The following ENPP1 variants were observed in gnomAD, a reference collection of about 807,000 sequenced individuals.
ENPP1 encodes ectonucleotide pyrophosphatase/phosphodiesterase 1, also known as ectonucleotide pyrophosphatase/phosphodiesterase family member 1.
A neutral mutation model predicts 122.8 loss-of-function variants in ENPP1; 73 were observed. That is an observed-to-expected ratio of 0.59 (90% CI 0.49 to 0.72). ENPP1 has a LOEUF of 0.72. ENPP1 is among the 30% of genes least tolerant of loss of function. ENPP1 has a pLI of 0.00. For synonymous variants in ENPP1, 367 were observed against 391.6 expected (o/e 0.94, Z 0.74); for missense variants, 978 against 1,128.1 (o/e 0.87, Z 1.91).
intron 1 of ENPP1, among the ~76,000 whole-genome samples, chr6:131,809,739 C>T (rs76623798): frequency 0.015 from 2,283 of 152,280 alleles, 69 homozygotes; most frequent in African/African-American, 0.052. Flanking sequence ...TGCCTATAAA[C>T]CTTTACAGGT....
At chr6:131,868,222 C>A in intron 12 of ENPP1, 96 bp downstream of exon 12, 2 of 888,700 alleles carry the variant, frequency 2.3e-6, no homozygotes, top group Non-Finnish European at 3.7e-6. Context: ...GTAGTTAATT[C>A]TTTTTTAAAA....
In ENPP1 at chr6:131,890,589, G is replaced by A; in HGVS notation, c.*78G>A. 1.6e-6 allele frequency: 2 copies of A among 1,267,076 alleles called. No homozygotes were observed. The highest frequency in any genetic ancestry group is 1.2e-5 in the South Asian group (1 of 83,516). 78.5% of individuals were successfully genotyped at this position (1,267,076 alleles called of 1,614,324 possible). ...TATATAGTCCTCTAGCTACACTATT[G>A]CATTGTTCAGAAACTGTCGACCAGA... On this transcript the variant is annotated 3_prime_UTR_variant, in exon 25 of 25. Transcript: ENST00000647893.
In ENPP1 at chr6:131,850,038, G is replaced by A. The variant is rs769645819; in HGVS notation, c.362G>A (p.Arg121His). 7 of 1,613,902 alleles carry A rather than the reference G, an allele frequency of 4.3e-6. No individual in the cohort carries two copies. Among genetic ancestry groups the A allele is most frequent in the Middle Eastern group, 1.6e-4 (1 of 6,084 alleles). Residue 121 changes from arginine to histidine, a missense_variant, in exon 3 of 25, where the codon CGC (arginine) becomes CAC (histidine). Arg to His is a conservative substitution (Grantham distance 29, BLOSUM62 0). Around this residue, in one of 3 missense-constraint regions of ENPP1, gnomAD observed 330 missense variants for 328.5 expected, o/e 1.00. Coordinates refer to ENST00000647893, the MANE Select transcript of ENPP1 (RefSeq NM_006208.3). Reference protein sequence around the residue: ...RCFERTFGNCRCDAACVELGN... With the variant: ...RCFERTFGNCHCDAACVELGN... ...TTCGAGAGAACATTTGGGAACTGTCGCTGTGATGCTGCCTGTGTTGAGCTT... is the reference window on the plus strand; with the variant it reads ...TTCGAGAGAACATTTGGGAACTGTCACTGTGATGCTGCCTGTGTTGAGCTT...
rs148462924 is a variant in ENPP1, at chr6:131,872,076, A to C, written c.1412A>C (p.Tyr471Ser). ...DVPDKYYSFN[Y>S]EGIARNLSCR... is the part of the protein sequence containing the mutation. ...TATGTTTGTTCCCCTCCAGTTAACT[A>C]TGAAGGCATTGCCCGAAATCTTTCT... The change falls in exon 14 of 25, where the codon TAT becomes TCT. Residue 471 changes from tyrosine (Y) to serine (S), a missense_variant. Tyr to Ser is a moderately radical substitution (Grantham distance 144). Coordinates refer to ENST00000647893, the MANE Select transcript of ENPP1 (RefSeq NM_006208.3). 1 of 1,589,804 alleles carries C rather than the reference A, an allele frequency of 6.3e-7. No homozygotes were observed. The highest frequency in any genetic ancestry group is 2.2e-5 in the East Asian group (1 of 44,654).
At chr6:131,864,375 C>T in intron 9 of ENPP1, 131 bp from the exon 10 acceptor site, 1 of 661,752 alleles carries the variant, frequency 1.5e-6, no homozygotes, top group Non-Finnish European at 2.7e-6. Flanking sequence ...CAAATAAAAC[C>T]CTTGATTTCA....
intron 1 of ENPP1, among the ~76,000 whole-genome samples, chr6:131,829,933 G>C (rs1349396884): frequency 6.6e-6 from 1 of 152,078 alleles, no homozygotes; most frequent in African/African-American, 2.4e-5. Flanking sequence ...GGCCTCTCCT[G>C]GTCTGATGCT....
intron 1 of ENPP1, among the ~76,000 whole-genome samples, chr6:131,813,766 T>G (rs1373958986): frequency 6.6e-6 from 1 of 152,210 alleles, no homozygotes; most frequent in Non-Finnish European, 1.5e-5. Context: ...TTGACCTCTC[T>G]TCCTATTTTG....
intron 1 of ENPP1, among the ~76,000 whole-genome samples, chr6:131,822,910 GCTT>G (rs569785117): frequency 4.3e-4 from 66 of 152,096 alleles, no homozygotes; most frequent in African/African-American, 1.5e-3. Flanking sequence ...TAAAATAATA[GCTT>G]CTCTGCATTA....
chr6:131,827,968 T>C, intron 1 of ENPP1: 1 of 802,318 alleles, frequency 1.2e-6, no homozygotes. Context: ...CACAAAATGC[T>C]CAAGCTTGGA....
chr6:131,877,455 G>C, intron 18 of ENPP1: 2 of 425,794 alleles, frequency 4.7e-6, no homozygotes, highest in Non-Finnish European at 8.7e-6. Flanking sequence ...GTCTAGTTCA[G>C]TTCTTGAGCA....
rs1782320503 is a variant in ENPP1 at position 131,882,271 on chromosome 6, C to T, written c.2101-74C>T. The T allele has an allele frequency of 2.3e-6, 3 of 1,287,752 alleles. No individual in the cohort carries two copies. In the South Asian group the frequency reaches 3.6e-5, roughly 15 times the overall value. The allele number at this position is 1,287,752 out of a possible 1,614,324, so 79.8% of individuals were successfully genotyped here. A position where few individuals can be genotyped will look rare whatever the true frequency, so the allele number is the denominator to read the frequency against. ...CTTCATAATTTTATGATGTAGTTCA[C>T]CTTTAAATATTAATAAAGCAATTTT... On this transcript the variant is annotated intron_variant, in intron 20 of 24. Transcript: ENST00000647893.
intron 1 of ENPP1, 21 bp downstream of exon 1, chr6:131,808,296 C>G (rs1036905075): frequency 3.4e-6 from 5 of 1,484,822 alleles, no homozygotes; most frequent in Admixed American, 2.2e-5. Context: ...GGCCAGGCCC[C>G]GGCGCCCGGG....
At position 131,890,691 on chromosome 6, in the gene ENPP1, G is replaced by C; in HGVS notation, c.*180G>C. The C allele has an allele frequency of 1.6e-6, 1 of 628,274 alleles. No homozygotes were observed. The highest frequency in any genetic ancestry group is 2.8e-6 in the Non-Finnish European group (1 of 353,542). 38.9% of individuals were successfully genotyped at this position (628,274 alleles called of 1,614,324 possible). A position where few individuals can be genotyped will look rare whatever the true frequency, so the allele number is the denominator to read the frequency against. ...CAGCACAGCAGTGGAGAGTGTTCCTGTTGAATCTTGCACATATTTGAATGT... is the reference window on the plus strand; with the variant it reads ...CAGCACAGCAGTGGAGAGTGTTCCTCTTGAATCTTGCACATATTTGAATGT... On this transcript the variant is annotated 3_prime_UTR_variant, in exon 25 of 25. Coordinates refer to ENST00000647893, the MANE Select transcript of ENPP1 (RefSeq NM_006208.3).
At chr6:131,844,215 G>A (rs1781776663) in intron 1 of ENPP1, among the ~76,000 whole-genome samples, 1 of 152,170 alleles carries the variant, frequency 6.6e-6, no homozygotes, top group African/African-American at 2.4e-5. Flanking sequence ...TACTAGCTTT[G>A]CATGATTCTC....
At chr6:131,872,856 T>TA (rs1782179871) in intron 14 of ENPP1, 67 bp from the exon 15 acceptor site, 11 of 1,501,976 alleles carry the variant, frequency 7.3e-6, no homozygotes, top group Non-Finnish European at 9.2e-6. Flanking sequence ...TATCTTTCCC[T>TA]AAAAAAGTTG....
chr6:131,827,834 A>G, intron 1 of ENPP1: 1 of 1,314,796 alleles, frequency 7.6e-7, no homozygotes. Flanking sequence ...TCAGTTGAAC[A>G]CCCTGAGGAC....
At position 131,891,920 on chromosome 6, in the gene ENPP1, G is replaced by C. The variant is rs1216634257; in HGVS notation, c.*1409G>C. The C allele has an allele frequency of 6.6e-6, 1 of 151,428 alleles. No individual in the cohort carries two copies. The highest frequency in any genetic ancestry group is 1.5e-5 in the Non-Finnish European group (1 of 67,850). The allele number at this position is 151,428 out of a possible 1,614,324, so 9.4% of individuals were successfully genotyped here. A position where few individuals can be genotyped will look rare whatever the true frequency, so the allele number is the denominator to read the frequency against. ...TCTGCTGTTGAGCCCATTTATTCCT[G>C]ATTTTTATATTTTAGTTATTGTATG... On this transcript the variant is annotated 3_prime_UTR_variant, in exon 25 of 25. Coordinates refer to ENST00000647893, the MANE Select transcript of ENPP1 (RefSeq NM_006208.3).
intron 1 of ENPP1, 31 bp downstream of exon 1, chr6:131,808,306 G>A: frequency 6.7e-7 from 1 of 1,483,402 alleles, no homozygotes; most frequent in Non-Finnish European, 9.0e-7. Flanking sequence ...CGGCGCCCGG[G>A]AGGGCTGGGA....
chr6:131,863,049 A>C (rs917387467), intron 9 of ENPP1, among the ~76,000 whole-genome samples: 7 of 152,236 alleles, frequency 4.6e-5, no homozygotes, highest in African/African-American at 1.7e-4. Context: ...GTTAGAAGCA[A>C]GATGGAATTG....
Sources: allele counts gnomAD v4.1 joint callset (sites outside exome capture counted in the v4.1 genomes callset), GRCh38; gene constraint gnomAD v4.1.1; regional missense constraint gnomAD v4.1.1; transcripts MANE v1.5; gene names NCBI Gene and HGNC (gene_info 2026-07-23, HGNC 2026-07-21).